The following SLC22A4 variants were observed in gnomAD, a reference collection of about 807,000 sequenced individuals.
SLC22A4 encodes solute carrier family 22 member 4, also known as ET transporter.
SLC22A4 carries 39 observed loss-of-function variants against 56.6 expected under a neutral mutation model. The observed-to-expected ratio is 0.69, with a 90% CI of 0.53 to 0.90. The LOEUF (loss-of-function observed/expected upper bound fraction) is 0.90, where lower values mean the gene tolerates loss of function less well. SLC22A4 is among the 40% of genes least tolerant of loss of function. SLC22A4 has a pLI of 0.00. For synonymous variants in SLC22A4, 241 were observed against 281.4 expected, an observed-to-expected ratio of 0.86 and a Z score of 1.44; for missense variants, 594 against 696.5, an observed-to-expected ratio of 0.85 and a Z score of 1.66.
In SLC22A4 at chr5:132,340,633, CT is replaced by C. The variant is rs72552721; in HGVS notation, c.1520del (p.Phe507SerfsTer7). On this transcript the variant is annotated frameshift_variant, in exon 9 of 10. Coordinates refer to ENST00000200652, the MANE Select transcript of SLC22A4 (RefSeq NM_003059.3). LOFTEE classifies it high-confidence loss of function. ...GACTGTCCTGATTGGAATCCTCACC[CT>C]TTTTTTCCCTGAAAGTTTGGGAATG... ...SLTVLIGILT[L>X]FFPESLGMTL... 4 of 1,611,772 alleles carry C rather than the reference CT, an allele frequency of 2.5e-6. No individual in the cohort carries two copies. The highest frequency in any genetic ancestry group is 3.4e-6 in the Non-Finnish European group (4 of 1,177,926).
intron 1 of SLC22A4, among the ~76,000 whole-genome samples, chr5:132,300,744 T>G (rs1489701110): frequency 6.6e-6 from 1 of 151,750 alleles, no homozygotes; most frequent in Non-Finnish European, 1.5e-5. Context: ...GCTAGAGGAG[T>G]CTGTGTTTAC....
At chr5:132,295,120 A>C in intron 1 of SLC22A4, 111 bp downstream of exon 1, 4 of 1,204,790 alleles carry the variant, frequency 3.3e-6, no homozygotes, top group African/African-American at 1.5e-5. Flanking sequence ...CTCCCCCTCA[A>C]ACCTGCTGTT....
chr5:132,301,398 C>T (rs188075750), intron 1 of SLC22A4, among the ~76,000 whole-genome samples: 78 of 152,358 alleles, frequency 5.1e-4, no homozygotes, highest in South Asian at 1.2e-3. Flanking sequence ...CACCGTAGAT[C>T]CTCCTGTCCT....
intron 3 of SLC22A4, among the ~76,000 whole-genome samples, chr5:132,319,724 G>C (rs270603): frequency 0.71 from 107,243 of 151,964 alleles, 38,398 homozygotes; most frequent in African/African-American, 0.81. Flanking sequence ...TCCCGAATAG[G>C]TGGGATTACA....
intron 1 of SLC22A4, among the ~76,000 whole-genome samples, chr5:132,308,372 ATTTTTTTTTTTTTTTTTTTT>A (rs56259514): frequency 3.3e-4 from 20 of 61,328 alleles, no homozygotes; most frequent in Admixed American, 5.4e-4. Flanking sequence ...TGATTAAGCA[ATTTTTTTTTTTTTTTTTTTT>A]TTTTTTTTTT....
chr5:132,329,291 CA>C (rs1227818545), intron 5 of SLC22A4, among the ~76,000 whole-genome samples: 2 of 151,968 alleles, frequency 1.3e-5, no homozygotes, highest in Non-Finnish European at 2.9e-5. Context: ...CTGAACTGGA[CA>C]AACCCATTAA....
In SLC22A4 at chr5:132,331,709, C is replaced by T. The variant is rs754057395; in HGVS notation, c.952-47C>T. The T allele has an allele frequency of 3.0e-5, 40 of 1,325,010 alleles. No individual in the cohort carries two copies. The Admixed American group carries it at 6.2e-4, about 21-fold the overall frequency. The allele number at this position is 1,325,010 out of a possible 1,614,324, so 82.1% of individuals were successfully genotyped here. ...CATGCATCATAGCCAAAGATACTTC[C>T]TTACTACCTCTTAATCTCATGGTTA... On this transcript the variant is annotated intron_variant, in intron 5 of 9. Transcript: ENST00000200652.
intron 6 of SLC22A4, 33 bp from the exon 7 acceptor site, chr5:132,334,685 C>T (rs375231880): frequency 1.2e-4 from 171 of 1,462,748 alleles, no homozygotes; most frequent in Non-Finnish European, 1.5e-4. Flanking sequence ...CGATTCACAC[C>T]ATCCCTTTGT....
intron 1 of SLC22A4, among the ~76,000 whole-genome samples, chr5:132,299,394 GT>G (rs1254456513): frequency 1.3e-5 from 1 of 77,856 alleles, no homozygotes; most frequent in Non-Finnish European, 2.9e-5. Context: ...ATTATTTTTC[GT>G]TTTATTTTAT....
Position 132,294,687 on chromosome 5 carries a change from T to C in SLC22A4, c.71T>C (p.Leu24Pro), listed in dbSNP as rs1749732534. Residue 24 changes from leucine to proline, a missense_variant, in exon 1 of 10, where the codon CTG becomes CCG. Transcript: ENST00000200652. The surrounding 1 kb of genome is among the most constrained non-coding windows in gnomAD (Gnocchi z 5.6). ...CCCTTCCAGCGCCTCATCTTCTTCC[T>C]GCTCAGCGCCAGCATCATCCCCAAT... is the stretch of plus-strand genomic sequence containing the variant. The part of the protein sequence containing the change: ...WGPFQRLIFF[L>P]LSASIIPNGF... The C allele has an allele frequency of 6.2e-7, 1 of 1,614,052 alleles. No individual in the cohort carries two copies. The highest frequency in any genetic ancestry group is 1.3e-5 in the African/African-American group (1 of 74,920).
At chr5:132,322,783 A>G (rs1483029691) in intron 4 of SLC22A4, among the ~76,000 whole-genome samples, 2 of 152,226 alleles carry the variant, frequency 1.3e-5, no homozygotes, top group African/African-American at 4.8e-5. Flanking sequence ...CCTATTTATT[A>G]GCACTATGAT....
chr5:132,303,623 A>G (rs906464217), intron 1 of SLC22A4, among the ~76,000 whole-genome samples: 6 of 151,990 alleles, frequency 3.9e-5, no homozygotes, highest in Non-Finnish European at 5.9e-5. Context: ...AATCCTCGTG[A>G]GTGCAACCAG....
rs748864045 is a variant in SLC22A4 at position 132,334,848 on chromosome 5, C to T, written c.1177C>T (p.Arg393Ter). 5.0e-6 allele frequency: 8 copies of T among 1,613,740 alleles called. No individual in the cohort carries two copies. The East Asian group carries it at 1.1e-4, about 22-fold the overall frequency. ...TTACATTACAGCCTGGCTGCTATTGCGAACCCTGCCCAGGCGTTATATCAT... is the reference window on the plus strand; with the variant it reads ...TTACATTACAGCCTGGCTGCTATTGTGAACCCTGCCCAGGCGTTATATCAT... ...PAYITAWLLL[R>*]TLPRRYIIAA... The change falls in exon 7 of 10, where the codon CGA (arginine) becomes TGA (stop). Residue 393 changes from arginine (R) to a stop codon, truncating the protein, a stop_gained. Coordinates refer to ENST00000200652, the MANE Select transcript of SLC22A4 (RefSeq NM_003059.3). LOFTEE classifies it high-confidence loss of function.
At chr5:132,317,508 T>A (rs1008160077) in intron 3 of SLC22A4, among the ~76,000 whole-genome samples, 1 of 152,248 alleles carries the variant, frequency 6.6e-6, no homozygotes, top group Non-Finnish European at 1.5e-5. Flanking sequence ...GAATTAGTAT[T>A]CCACTGGATG....
intron 1 of SLC22A4, chr5:132,295,310 G>C: frequency 1.6e-6 from 1 of 610,382 alleles, no homozygotes; most frequent in Non-Finnish European, 3.1e-6. Flanking sequence ...TGCGTTGGGG[G>C]AAGCGCAGCC....
At chr5:132,334,632 A>C in intron 6 of SLC22A4, 86 bp from the exon 7 acceptor site, 1 of 916,310 alleles carries the variant, frequency 1.1e-6, no homozygotes, top group Non-Finnish European at 1.8e-6. Flanking sequence ...CTTATAAGAC[A>C]GCAAGATATA....
intron 4 of SLC22A4, among the ~76,000 whole-genome samples, chr5:132,325,253 G>C (rs2126726270): frequency 6.6e-6 from 1 of 152,270 alleles, no homozygotes; most frequent in Admixed American, 6.5e-5. Flanking sequence ...CTCTAATTCT[G>C]CACTAATATA....
At chr5:132,321,317 A>G (rs2126721626) in intron 3 of SLC22A4, among the ~76,000 whole-genome samples, 1 of 152,306 alleles carries the variant, frequency 6.6e-6, no homozygotes, top group African/African-American at 2.4e-5. Flanking sequence ...CTCCAGAGCC[A>G]GCTCACTCCA....
chr5:132,315,010 A>T (rs1046629843), intron 3 of SLC22A4, among the ~76,000 whole-genome samples: 5 of 152,168 alleles, frequency 3.3e-5, no homozygotes, highest in African/African-American at 1.2e-4. Context: ...TTTCTTGAAG[A>T]TCATTTGTGT....
Sources: allele counts gnomAD v4.1 joint callset (sites outside exome capture counted in the v4.1 genomes callset), GRCh38; gene constraint gnomAD v4.1.1; non-coding constraint Gnocchi (gnomAD v3.1); transcripts MANE v1.5; gene names NCBI Gene and HGNC (gene_info 2026-07-23, HGNC 2026-07-21).